The following ZFHX3 variants were observed in gnomAD, a reference collection of about 807,000 sequenced individuals.
The protein encoded by ZFHX3 is zinc finger homeobox 3.
In ZFHX3, 42 loss-of-function variants were observed where a neutral mutation model predicts 279.1. The ratio of observed to expected loss-of-function variants is 0.15; its 90% CI spans 0.12 to 0.19. The LOEUF is 0.19. Ranked by LOEUF, ZFHX3 falls within the 10% of genes least tolerant of loss-of-function variation. The probability of loss-of-function intolerance (pLI) is 1.00; values close to 1 mark genes in which losing one functional copy is unlikely to be tolerated. For missense variants in ZFHX3, 4,981 were observed against 4,754.0 expected (o/e 1.05, Z -1.40); for synonymous variants, 2,293 against 1,957.8 (o/e 1.17, Z -4.52).
chr16:73,308,113 A>G (rs1219566405), intron 4 of ZFHX3, among the ~76,000 whole-genome samples: 2 of 151,782 alleles, frequency 1.3e-5, no homozygotes, highest in Non-Finnish European at 2.9e-5. Context: ...TTCTGTAGAA[A>G]ATACTTGTCG....
intron 4 of ZFHX3, among the ~76,000 whole-genome samples, chr16:73,290,015 CCACA>C (rs10564390): frequency 0.041 from 5,856 of 144,338 alleles, 189 homozygotes; most frequent in East Asian, 0.1. Flanking sequence ...AGAGAAATAA[CCACA>C]CACACACACA....
At chr16:73,252,174 G>C (rs979370479) in intron 5 of ZFHX3, among the ~76,000 whole-genome samples, 2 of 152,110 alleles carry the variant, frequency 1.3e-5, no homozygotes, top group Non-Finnish European at 2.9e-5. Flanking sequence ...TAAAATGCAG[G>C]GCTACTGAAG....
intron 5 of ZFHX3, among the ~76,000 whole-genome samples, chr16:73,157,324 C>T (rs1967112872): frequency 6.6e-6 from 1 of 152,008 alleles, no homozygotes; most frequent in African/African-American, 2.4e-5. Context: ...CTTGCATCAG[C>T]TCAGCTATCA....
chr16:73,599,072 T>G (rs1050235584), intron 2 of ZFHX3, among the ~76,000 whole-genome samples: 3 of 152,198 alleles, frequency 2.0e-5, no homozygotes, highest in African/African-American at 7.2e-5. Context: ...TTGAATACTA[T>G]CTTAAAGAGA....
At chr16:72,979,111 G>A (rs1050262096) in intron 1 of ZFHX3, among the ~76,000 whole-genome samples, 1 of 152,206 alleles carries the variant, frequency 6.6e-6, no homozygotes, top group Admixed American at 6.5e-5. Flanking sequence ...AGTCCTAAGA[G>A]AGCGTGGAGC....
intron 1 of ZFHX3, among the ~76,000 whole-genome samples, chr16:73,688,749 A>T (rs1208962235): frequency 6.6e-6 from 1 of 152,262 alleles, no homozygotes; most frequent in Non-Finnish European, 1.5e-5. Flanking sequence ...CATAATTCCC[A>T]CATGTTGTGG....
intron 7 of ZFHX3, among the ~76,000 whole-genome samples, chr16:73,118,984 T>C (rs1966463865): frequency 6.6e-6 from 1 of 152,200 alleles, no homozygotes; most frequent in South Asian, 2.1e-4. Flanking sequence ...GTACCTTTTA[T>C]TTCCCTGATT....
chr16:73,446,860 C>A (rs986022743), intron 3 of ZFHX3, among the ~76,000 whole-genome samples: 2 of 152,102 alleles, frequency 1.3e-5, no homozygotes, highest in East Asian at 3.9e-4. Flanking sequence ...TATAATAAAC[C>A]TGCACATGTA....
intron 1 of ZFHX3, among the ~76,000 whole-genome samples, chr16:73,709,260 G>A (rs570258714): frequency 1.7e-3 from 252 of 152,088 alleles, no homozygotes; most frequent in African/African-American, 5.9e-3. Flanking sequence ...AGCTACTTTG[G>A]AGGCTGAGGT....
intron 5 of ZFHX3, among the ~76,000 whole-genome samples, chr16:73,149,609 G>A (rs1344773448): frequency 3.9e-5 from 6 of 151,950 alleles, no homozygotes; most frequent in Admixed American, 2.6e-4. Context: ...CATCTTCTGC[G>A]GCGTTTCAGA....
intron 4 of ZFHX3, among the ~76,000 whole-genome samples, chr16:72,866,991 C>T (rs574154462): frequency 1.3e-5 from 2 of 152,316 alleles, no homozygotes; most frequent in African/African-American, 4.8e-5. Flanking sequence ...CATTATCTTG[C>T]CTGTATTGCT....
At chr16:72,942,132 C>G (rs1323010943) in intron 3 of ZFHX3, among the ~76,000 whole-genome samples, 2 of 152,196 alleles carry the variant, frequency 1.3e-5, no homozygotes, top group African/African-American at 4.8e-5. Context: ...CCAGAAACAC[C>G]TGTTGGGACT....
At chr16:73,446,655 T>C (rs777241600) in intron 3 of ZFHX3, among the ~76,000 whole-genome samples, 3 of 152,128 alleles carry the variant, frequency 2.0e-5, no homozygotes, top group Admixed American at 2.0e-4. Flanking sequence ...GTGCTGCATG[T>C]TCTCACTTAT....
chr16:73,525,387 G>A (rs1402284334), intron 2 of ZFHX3, among the ~76,000 whole-genome samples: 2 of 152,212 alleles, frequency 1.3e-5, no homozygotes, highest in East Asian at 3.8e-4. Context: ...TAGCTAATGA[G>A]AAGACCCTCC....
At chr16:73,090,099 A>G (rs994956732) in intron 8 of ZFHX3, among the ~76,000 whole-genome samples, 1 of 152,182 alleles carries the variant, frequency 6.6e-6, no homozygotes, top group African/African-American at 2.4e-5. Flanking sequence ...CTGTATTTAA[A>G]CTATATCTGT....
chr16:72,794,050 C>G lies in ZFHX3; in HGVS notation c.8632G>C (p.Ala2878Pro), dbSNP rs369626076. ...TACTCAGACATTGCCATCATGGCCG[C>G]TTTGGTCAACCCTTCGTTGGGTGCA... is the stretch of plus-strand genomic sequence containing the variant. ...SSAPNEGLTK[A>P]AMMAMSEYED... The change falls in exon 9 of 10, where the codon GCG becomes CCG. Residue 2878 changes from alanine (A) to proline (P), a missense_variant. Physicochemically the swap from Ala to Pro is conservative, Grantham distance 27. This residue lies in a region of ZFHX3 where 744 missense variants were observed against 701.3 expected (regional missense o/e 1.06). Transcript: ENST00000268489. The surrounding 1 kb of genome is among the most constrained non-coding windows in gnomAD (Gnocchi z 4.2). 2 of 1,614,102 alleles carry G rather than the reference C, an allele frequency of 1.2e-6. No individual in the cohort carries two copies. Among genetic ancestry groups the G allele is most frequent in the African/African-American group, 2.7e-5 (2 of 74,942 alleles).
chr16:73,119,521 G>A (rs4307972), intron 7 of ZFHX3, among the ~76,000 whole-genome samples: 113,491 of 152,032 alleles, frequency 0.75, 43,275 homozygotes, highest in Middle Eastern at 0.89. Flanking sequence ...AGAGAGGAAG[G>A]AGGGCTCTGG....
intron 2 of ZFHX3, among the ~76,000 whole-genome samples, chr16:73,524,566 G>A (rs1016191488): frequency 3.9e-5 from 6 of 152,100 alleles, no homozygotes; most frequent in East Asian, 1.9e-4. Context: ...TGATTCTCAC[G>A]TTCTGGAATG....
chr16:73,194,139 C>G (rs910029051), intron 5 of ZFHX3, among the ~76,000 whole-genome samples: 1 of 152,198 alleles, frequency 6.6e-6, no homozygotes, highest in Non-Finnish European at 1.5e-5. Flanking sequence ...CATGGAATTG[C>G]TGGGGTTCAT....
Sources: gnomAD v4.1 joint callset for allele counts (sites outside exome capture counted in the v4.1 genomes callset) on GRCh38, gnomAD v4.1.1 for gene constraint, gnomAD v4.1.1 regional missense constraint, Gnocchi (gnomAD v3.1) non-coding constraint, MANE v1.5 for transcripts, NCBI Gene and HGNC (gene_info 2026-07-23, HGNC 2026-07-21) for gene names.